MYO9A: variants seen among roughly 807,000 people sequenced by gnomAD.
MYO9A encodes the protein unconventional myosin-IXa.
In MYO9A, 103 loss-of-function variants were observed where a neutral mutation model predicts 293.3. The observed-to-expected ratio is 0.35, with a 90% CI of 0.30 to 0.41. The LOEUF (loss-of-function observed/expected upper bound fraction) is 0.41, where lower values mean the gene tolerates loss of function less well. Ranked by LOEUF, MYO9A falls within the 10% of genes least tolerant of loss-of-function variation. The pLI is 1.00. For synonymous variants in MYO9A, 1,001 were observed against 1,035.7 expected, an observed-to-expected ratio of 0.97 and a Z score of 0.64; for missense variants, 2,685 against 3,033.0, an observed-to-expected ratio of 0.89 and a Z score of 2.69.
Position 72,016,280 on chromosome 15 carries a change from TA to T in MYO9A, c.1155+2758del, listed in dbSNP as rs539417832. On this transcript the variant is annotated intron_variant, in intron 6 of 41. Transcript: ENST00000356056. ...ACAGGTTAAATAACTTGCCAAAGCTTAAAAAAAAAAATCTTATAAATAACAG... is the reference window on the plus strand; with the variant it reads ...ACAGGTTAAATAACTTGCCAAAGCTTAAAAAAAAAATCTTATAAATAACAG... 5.1e-4 allele frequency among the ~76,000 whole-genome samples: 75 copies of T among 147,594 alleles called. 1 individual carries two copies. Among genetic ancestry groups the T allele is most frequent in the African/African-American group, 9.6e-4 (39 of 40,490 alleles).
chr15:71,940,284 C>T (rs1273699237), intron 15 of MYO9A, among the ~76,000 whole-genome samples: 1 of 152,130 alleles, frequency 6.6e-6, no homozygotes, highest in Non-Finnish European at 1.5e-5. Context: ...TACTTGAGCC[C>T]GAGAGTTCAG....
intron 3 of MYO9A, among the ~76,000 whole-genome samples, chr15:72,031,964 T>G (rs1041520782): frequency 6.6e-6 from 1 of 152,178 alleles, no homozygotes; most frequent in Non-Finnish European, 1.5e-5. Flanking sequence ...TGGAGTAAAG[T>G]GGCACAATCT....
Position 71,991,137 on chromosome 15 carries a change from TGC to T in MYO9A, c.1686_1687del (p.His563LeufsTer3). On this transcript the variant is annotated frameshift_variant, in exon 11 of 42. Coordinates refer to ENST00000356056, the MANE Select transcript of MYO9A (RefSeq NM_006901.4). LOFTEE classifies it high-confidence loss of function. ...TTTAAAGATATGCTGATTAAAGTAGTGCTGTAAACGTTCATTAGCAAAATTAA... is the reference window on the plus strand; with the variant it reads ...TTTAAAGATATGCTGATTAAAGTAGTTGTAAACGTTCATTAGCAAAATTAA... 1 of 1,608,092 alleles carries T rather than the reference TGC, an allele frequency of 6.2e-7. No individual in the cohort carries two copies. Among genetic ancestry groups the T allele is most frequent in the Non-Finnish European group, 8.5e-7 (1 of 1,177,672 alleles).
chr15:72,117,381 T>A (rs191373443), intron 1 of MYO9A, among the ~76,000 whole-genome samples: 233 of 152,234 alleles, frequency 1.5e-3, no homozygotes, highest in Middle Eastern at 6.8e-3. Flanking sequence ...AGAAGCTCCA[T>A]TAAGAGTCCT....
intron 39 of MYO9A, among the ~76,000 whole-genome samples, chr15:71,834,436 C>A (rs1239001391): frequency 6.6e-6 from 1 of 152,128 alleles, no homozygotes; most frequent in African/African-American, 2.4e-5. Context: ...TCTTTAGAGG[C>A]AGGCGTTAAG....
intron 39 of MYO9A, among the ~76,000 whole-genome samples, chr15:71,838,010 T>C (rs1328911386): frequency 1.3e-5 from 2 of 152,088 alleles, no homozygotes; most frequent in African/African-American, 4.8e-5. Flanking sequence ...TCTTGTAGTG[T>C]TTTTTTCCAT....
chr15:71,998,016 C>T (rs2076747940), intron 9 of MYO9A, among the ~76,000 whole-genome samples: 1 of 152,098 alleles, frequency 6.6e-6, no homozygotes, highest in South Asian at 2.1e-4. Context: ...AAAGACACAT[C>T]CACGTATATG....
At chr15:71,989,667 G>GA (rs1252404844) in intron 11 of MYO9A, among the ~76,000 whole-genome samples, 2 of 151,842 alleles carry the variant, frequency 1.3e-5, no homozygotes, top group African/African-American at 2.4e-5. Context: ...AAAGAAAAAA[G>GA]AAAAAAACAA....
chr15:71,933,417 A>G (rs1181092161), intron 18 of MYO9A, among the ~76,000 whole-genome samples: 2 of 152,146 alleles, frequency 1.3e-5, no homozygotes, highest in African/African-American at 2.4e-5. Flanking sequence ...CAATAACTAA[A>G]CAACATTTAT....
chr15:72,064,884 A>G (rs573852784), intron 1 of MYO9A, among the ~76,000 whole-genome samples: 5 of 152,340 alleles, frequency 3.3e-5, no homozygotes, highest in African/African-American at 1.2e-4. Context: ...TTGAAATCTA[A>G]TGGACCTAGA....
intron 1 of MYO9A, among the ~76,000 whole-genome samples, chr15:72,064,925 G>C (rs921004756): frequency 6.6e-6 from 1 of 152,128 alleles, no homozygotes; most frequent in Admixed American, 6.5e-5. Context: ...GAATAACAAA[G>C]TTGGAGGACT....
At chr15:72,078,661 A>G (rs2079444686) in intron 1 of MYO9A, among the ~76,000 whole-genome samples, 1 of 152,242 alleles carries the variant, frequency 6.6e-6, no homozygotes, top group African/African-American at 2.4e-5. Flanking sequence ...AAATAAAAAA[A>G]TAACTTTAAA....
At chr15:72,044,941 C>G (rs1339660297) in intron 2 of MYO9A, among the ~76,000 whole-genome samples, 1 of 152,182 alleles carries the variant, frequency 6.6e-6, no homozygotes, top group East Asian at 1.9e-4. Context: ...CACTGTCACA[C>G]TCTTCAATCT....
chr15:72,077,898 T>C (rs1484359675), intron 1 of MYO9A, among the ~76,000 whole-genome samples: 2 of 151,318 alleles, frequency 1.3e-5, no homozygotes. Context: ...AAAGAAGATA[T>C]ACAGACAACA....
At chr15:71,992,721 C>T (rs2076576091) in intron 10 of MYO9A, among the ~76,000 whole-genome samples, 1 of 151,750 alleles carries the variant, frequency 6.6e-6, no homozygotes, top group Non-Finnish European at 1.5e-5. Context: ...GCCCAGAAAA[C>T]ACAACTAGAT....
chr15:72,072,138 CT>C (rs1290495009), intron 1 of MYO9A, among the ~76,000 whole-genome samples: 21 of 142,722 alleles, frequency 1.5e-4, no homozygotes, highest in Admixed American at 2.1e-4. Context: ...CATTCTTTTT[CT>C]TTTTTTTTTG....
At chr15:71,892,203 C>T (rs936133310) in intron 26 of MYO9A, 1 of 152,170 alleles carries the variant, frequency 6.6e-6, no homozygotes, top group African/African-American at 2.4e-5. Context: ...TAGTTATATT[C>T]TTAGCTTAAA....
intron 1 of MYO9A, among the ~76,000 whole-genome samples, chr15:72,093,582 A>G (rs909723811): frequency 6.6e-6 from 1 of 151,916 alleles, no homozygotes; most frequent in Non-Finnish European, 1.5e-5. Flanking sequence ...AAACACAAGG[A>G]ACTGAAATTA....
In MYO9A at chr15:71,971,456, A is replaced by G. The variant is rs1232128830; in HGVS notation, c.1845-3331T>C. Among the ~76,000 whole-genome samples the G allele has an allele frequency of 2.0e-4, 30 of 151,530 alleles. 2 individuals are homozygous for G. Among genetic ancestry groups the G allele is most frequent in the Admixed American group, 2.0e-3 (30 of 15,218 alleles). On this transcript the variant is annotated intron_variant, in intron 12 of 41. Coordinates refer to ENST00000356056, the MANE Select transcript of MYO9A (RefSeq NM_006901.4). ...TTTAAAATTAGCCAGACGTGGTGGT[A>G]TGTGCCTGTAGTCCCAGCTACTCAG...
Sources: gnomAD v4.1 joint callset for allele counts (sites outside exome capture counted in the v4.1 genomes callset) on GRCh38, gnomAD v4.1.1 for gene constraint, MANE v1.5 for transcripts, NCBI Gene and HGNC (gene_info 2026-07-23, HGNC 2026-07-21) for gene names.